The following MACROD2 variants were observed in gnomAD, a reference collection of about 807,000 sequenced individuals.
MACROD2 encodes the protein ADP-ribose glycohydrolase MACROD2.
MACROD2 carries 36 observed loss-of-function variants against 70.4 expected under a neutral mutation model. The observed-to-expected ratio is 0.51, with a 90% CI of 0.39 to 0.68. MACROD2 has a LOEUF of 0.68. MACROD2 is among the 30% of genes least tolerant of loss of function. The probability of loss-of-function intolerance (pLI) is 0.00; values close to 1 mark genes in which losing one functional copy is unlikely to be tolerated. For missense variants in MACROD2, 496 were observed against 538.4 expected (o/e 0.92, Z 0.78); for synonymous variants, 172 against 178.8 (o/e 0.96, Z 0.30).
At chr20:15,475,811 A>G (rs1473793377) in intron 7 of MACROD2, among the ~76,000 whole-genome samples, 1 of 152,218 alleles carries the variant, frequency 6.6e-6, no homozygotes, top group Non-Finnish European at 1.5e-5. Flanking sequence ...GTCTCCTACC[A>G]TCTGAAGGGT....
chr20:15,622,881 A>G (rs2049148875), intron 8 of MACROD2, among the ~76,000 whole-genome samples: 1 of 152,186 alleles, frequency 6.6e-6, no homozygotes, highest in Admixed American at 6.5e-5. Flanking sequence ...ATTAAACTTT[A>G]TCTTAGGTAT....
intron 6 of MACROD2, among the ~76,000 whole-genome samples, chr20:15,357,732 C>G (rs1052275810): frequency 1.1e-4 from 16 of 151,308 alleles, no homozygotes; most frequent in African/African-American, 3.9e-4. Flanking sequence ...CAATATTTTT[C>G]TGATGTTGAG....
At chr20:15,235,260 T>C (rs1171220513) in intron 6 of MACROD2, among the ~76,000 whole-genome samples, 1 of 152,188 alleles carries the variant, frequency 6.6e-6, no homozygotes, top group Non-Finnish European at 1.5e-5. Flanking sequence ...CTAATTGACA[T>C]AGGAATTTAG....
At chr20:14,645,556 A>G (rs183594803) in intron 4 of MACROD2, among the ~76,000 whole-genome samples, 261 of 152,158 alleles carry the variant, frequency 1.7e-3, no homozygotes, top group African/African-American at 5.9e-3. Flanking sequence ...ATTTTACTCA[A>G]ATAGATCTGT....
intron 5 of MACROD2, among the ~76,000 whole-genome samples, chr20:14,720,509 C>G (rs1190373865): frequency 2.6e-5 from 3 of 113,702 alleles, no homozygotes; most frequent in African/African-American, 1.0e-4. Context: ...GGTTTTTAGC[C>G]TGTTTCATTT....
intron 3 of MACROD2, among the ~76,000 whole-genome samples, chr20:14,348,719 T>G (rs1348715670): frequency 6.6e-6 from 1 of 152,166 alleles, no homozygotes; most frequent in Non-Finnish European, 1.5e-5. Context: ...TATTTATGAC[T>G]TGGAATTTTA....
At chr20:14,649,177 C>T (rs1350885780) in intron 4 of MACROD2, among the ~76,000 whole-genome samples, 1 of 152,088 alleles carries the variant, frequency 6.6e-6, no homozygotes, top group Non-Finnish European at 1.5e-5. Flanking sequence ...AAGAAATAGC[C>T]ATTTGTGTTT....
At chr20:15,533,638 C>G (rs553931937) in intron 8 of MACROD2, among the ~76,000 whole-genome samples, 1 of 151,518 alleles carries the variant, frequency 6.6e-6, no homozygotes, top group Admixed American at 6.6e-5. Flanking sequence ...GGGAAAGTAA[C>G]TTAGGGAAGA....
At chr20:14,610,034 A>C (rs976632817) in intron 4 of MACROD2, among the ~76,000 whole-genome samples, 1 of 152,154 alleles carries the variant, frequency 6.6e-6, no homozygotes, top group African/African-American at 2.4e-5. Flanking sequence ...TTTAAATTTA[A>C]AGCAGCAATA....
At chr20:14,810,433 T>C (rs1003657745) in intron 5 of MACROD2, among the ~76,000 whole-genome samples, 10 of 152,046 alleles carry the variant, frequency 6.6e-5, no homozygotes, top group Non-Finnish European at 4.4e-5. Flanking sequence ...ATTGATGGAA[T>C]GTATCTCAAA....
At chr20:15,500,078 A>G (rs2047346065) in intron 8 of MACROD2, among the ~76,000 whole-genome samples, 1 of 152,226 alleles carries the variant, frequency 6.6e-6, no homozygotes, top group Admixed American at 6.5e-5. Context: ...TCATTTAGCC[A>G]TAATCTAATT....
intron 6 of MACROD2, among the ~76,000 whole-genome samples, chr20:15,279,846 A>T (rs1268562350): frequency 1.3e-5 from 2 of 152,194 alleles, no homozygotes; most frequent in East Asian, 3.9e-4. Context: ...AAAAAAATTG[A>T]CAAATTCTAG....
Position 15,591,152 on chromosome 20 carries a change from G to T in MACROD2, c.645+91305G>T, listed in dbSNP as rs562164588. On this transcript the variant is annotated intron_variant, in intron 8 of 17. Transcript: ENST00000684519. Reference sequence around the variant, plus strand: ...AACTAGTAGTTCAGCGGATTTGAGCGGTACCTTTCTGGTATTCTATCCCTG... The same window carrying T: ...AACTAGTAGTTCAGCGGATTTGAGCTGTACCTTTCTGGTATTCTATCCCTG... 3.9e-5 allele frequency among the ~76,000 whole-genome samples: 6 copies of T among 152,262 alleles called. No homozygotes were observed. In the South Asian group the frequency reaches 1.2e-3, roughly 32 times the overall value.
chr20:14,804,910 A>AGG (rs1477095054), intron 5 of MACROD2, among the ~76,000 whole-genome samples: 4 of 151,394 alleles, frequency 2.6e-5, no homozygotes, highest in Non-Finnish European at 4.4e-5. Context: ...AGAGAGAGAG[A>AGG]GACAGAGAGA....
intron 2 of MACROD2, among the ~76,000 whole-genome samples, chr20:14,004,426 A>C (rs2052781912): frequency 6.6e-6 from 1 of 152,208 alleles, no homozygotes; most frequent in Admixed American, 6.5e-5. Context: ...GATGTGATCA[A>C]AATTATATTT....
chr20:14,230,941 T>G (rs2081804900), intron 3 of MACROD2, among the ~76,000 whole-genome samples: 1 of 151,334 alleles, frequency 6.6e-6, no homozygotes, highest in South Asian at 2.1e-4. Flanking sequence ...GATCAGAGCT[T>G]TTGGGTGGCC....
intron 2 of MACROD2, among the ~76,000 whole-genome samples, chr20:14,037,646 G>T (rs1015433845): frequency 3.9e-5 from 2 of 51,172 alleles, no homozygotes; most frequent in African/African-American, 1.4e-4. Context: ...TGTGTTGGTG[G>T]GGGGGGTAGT....
chr20:14,702,385 G>C lies in MACROD2; in HGVS notation c.418+17426G>C, dbSNP rs539998522. ...CCAGAGCAACCCACTCTTAAGAGCA[G>C]AATGTAAATCCTTCCAGACTGTGTT... On this transcript the variant is annotated intron_variant, in intron 5 of 17. Coordinates refer to ENST00000684519, the MANE Select transcript of MACROD2 (RefSeq NM_001351661.2). Among the ~76,000 whole-genome samples the C allele has an allele frequency of 2.0e-5, 3 of 151,384 alleles. No individual in the cohort carries two copies. The South Asian group carries it at 6.2e-4, about 32-fold the overall frequency.
intron 5 of MACROD2, among the ~76,000 whole-genome samples, chr20:14,936,140 A>G (rs1196564480): frequency 2.0e-5 from 3 of 152,196 alleles, no homozygotes; most frequent in African/African-American, 7.2e-5. Flanking sequence ...TATGTGGTAT[A>G]AAGAAAACAA....
Sources: gnomAD v4.1 joint callset for allele counts (sites outside exome capture counted in the v4.1 genomes callset) on GRCh38, gnomAD v4.1.1 for gene constraint, MANE v1.5 for transcripts, NCBI Gene and HGNC (gene_info 2026-07-23, HGNC 2026-07-21) for gene names.